Variants in SMPD3 observed in about 807,000 individuals in gnomAD.
SMPD3 encodes the protein sphingomyelin phosphodiesterase 3.
SMPD3 carries 21 observed loss-of-function variants against 55.7 expected under a neutral mutation model. The ratio of observed to expected loss-of-function variants is 0.38; its 90% CI spans 0.27 to 0.54. The LOEUF (loss-of-function observed/expected upper bound fraction) is 0.54, where lower values mean the gene tolerates loss of function less well. Ranked by LOEUF, SMPD3 falls within the 20% of genes least tolerant of loss-of-function variation. SMPD3 has a pLI of 0.80. For missense variants in SMPD3, 842 were observed against 899.6 expected, an observed-to-expected ratio of 0.94 and a Z score of 0.82; for synonymous variants, 457 against 404.3, an observed-to-expected ratio of 1.13 and a Z score of -1.56.
chr16:68,363,612 C>G lies in SMPD3; in HGVS notation c.1646-53G>C. 3.2e-6 allele frequency: 5 copies of G among 1,561,082 alleles called. No individual in the cohort carries two copies. The Admixed American group carries it at 8.5e-5, about 26-fold the overall frequency. ...TCGCTGCAGGCAGGGCCCAGGCAGC[C>G]TCTAGGGGGTGGCCTCTGTGGGTGG... On this transcript the variant is annotated intron_variant, in intron 6 of 8. Coordinates refer to ENST00000219334, the MANE Select transcript of SMPD3 (RefSeq NM_018667.4).
chr16:68,364,651 CAGGAATTCTTTG>C, intron 5 of SMPD3, 88 bp downstream of exon 5: 1 of 1,344,334 alleles, frequency 7.4e-7, no homozygotes, highest in Non-Finnish European at 1.0e-6. Context: ...TCTCGAGGAG[CAGGAATTCTTTG>C]AGCTGCCTAA....
chr16:68,443,469 T>C (rs1716523207), intron 1 of SMPD3, among the ~76,000 whole-genome samples: 1 of 152,244 alleles, frequency 6.6e-6, no homozygotes, highest in Admixed American at 6.5e-5. Flanking sequence ...GCTGTATGTG[T>C]ACTCTTTGTC....
intron 1 of SMPD3, among the ~76,000 whole-genome samples, chr16:68,408,374 T>C (rs1487495662): frequency 6.6e-6 from 1 of 152,228 alleles, no homozygotes. Context: ...CTATGAGGAA[T>C]ATTCTGCCCA....
At chr16:68,363,655 C>T in intron 6 of SMPD3, 96 bp from the exon 7 acceptor site, 2 of 1,456,186 alleles carry the variant, frequency 1.4e-6, no homozygotes, top group Non-Finnish European at 1.9e-6. Flanking sequence ...CTTCTGCTAG[C>T]CAGGGGCAGC....
chr16:68,385,072 A>G (rs1410299694), intron 2 of SMPD3, among the ~76,000 whole-genome samples: 2 of 152,182 alleles, frequency 1.3e-5, no homozygotes, highest in African/African-American at 4.8e-5. Flanking sequence ...GATATCAGAG[A>G]AGGCGTCACC....
intron 2 of SMPD3, among the ~76,000 whole-genome samples, chr16:68,373,589 C>T (rs970150388): frequency 1.3e-5 from 2 of 152,162 alleles, no homozygotes; most frequent in Non-Finnish European, 2.9e-5. Flanking sequence ...CCTGGTCACC[C>T]AAGCCAGGGA....
chr16:68,400,496 C>T (rs527243167), intron 1 of SMPD3, among the ~76,000 whole-genome samples: 84 of 152,368 alleles, frequency 5.5e-4, no homozygotes, highest in African/African-American at 1.9e-3. Context: ...TATCAAGGGA[C>T]AGAAGCTGGC....
At chr16:68,368,154 G>C (rs539471915) in intron 3 of SMPD3, 1 of 152,580 alleles carries the variant, frequency 6.6e-6, no homozygotes, top group South Asian at 2.1e-4. Flanking sequence ...GGACAGACAA[G>C]ACCCTGGGCA....
chr16:68,441,657 A>C (rs1367967495), intron 1 of SMPD3, among the ~76,000 whole-genome samples: 2 of 152,166 alleles, frequency 1.3e-5, no homozygotes, highest in African/African-American at 4.8e-5. Flanking sequence ...GCCACTAGAC[A>C]TATTTCAAGT....
intron 7 of SMPD3, among the ~76,000 whole-genome samples, chr16:68,362,142 G>C (rs2089308125): frequency 1.3e-5 from 2 of 152,206 alleles, no homozygotes; most frequent in Admixed American, 1.3e-4. Context: ...GGACCCTTGT[G>C]ACTGTTCCCA....
chr16:68,375,374 G>A (rs915261560), intron 2 of SMPD3, among the ~76,000 whole-genome samples: 3 of 152,204 alleles, frequency 2.0e-5, no homozygotes, highest in African/African-American at 7.2e-5. Context: ...AGGACACTTT[G>A]GCAGAAGGAT....
chr16:68,430,116 G>T (rs1357929548), intron 1 of SMPD3, among the ~76,000 whole-genome samples: 1 of 152,066 alleles, frequency 6.6e-6, no homozygotes, highest in Non-Finnish European at 1.5e-5. Flanking sequence ...CAGGCTTCCA[G>T]CATGAGTGTA....
intron 1 of SMPD3, among the ~76,000 whole-genome samples, chr16:68,427,886 A>G (rs1567808791): frequency 6.6e-6 from 1 of 152,148 alleles, no homozygotes; most frequent in East Asian, 1.9e-4. Flanking sequence ...GGGGGCAGGT[A>G]CAAGACAGGT....
At chr16:68,390,328 G>A (rs2090099989) in intron 1 of SMPD3, among the ~76,000 whole-genome samples, 2 of 152,210 alleles carry the variant, frequency 1.3e-5, no homozygotes, top group Non-Finnish European at 1.5e-5. Flanking sequence ...TTTGTGACCT[G>A]TATCTTGTGC....
chr16:68,365,901 G>A (rs546560276), intron 3 of SMPD3, among the ~76,000 whole-genome samples: 2 of 152,280 alleles, frequency 1.3e-5, no homozygotes, highest in East Asian at 3.9e-4. Context: ...TACCCCAGGT[G>A]GGGGCAAGAT....
rs929563915 is a variant in SMPD3 at position 68,447,770 on chromosome 16, C to T, written c.-269+583G>A. ...TCTCTTCCACATCCTCGATCCTCCT[C>T]TTTACAAAACCCTAGGGCCAAGGGA... is the stretch of plus-strand genomic sequence containing the variant. On this transcript the variant is annotated intron_variant, in intron 1 of 8. Coordinates refer to ENST00000219334, the MANE Select transcript of SMPD3 (RefSeq NM_018667.4). This position sits in a 1 kb window ranked among gnomAD's most constrained non-coding sequence, Gnocchi z 5.1. Among the ~76,000 whole-genome samples, 3 of 151,916 alleles carry T rather than the reference C, an allele frequency of 2.0e-5. No homozygotes were observed. The highest frequency in any genetic ancestry group is 4.4e-5 in the Non-Finnish European group (3 of 67,956).
chr16:68,435,154 C>T (rs1459447440), intron 1 of SMPD3, among the ~76,000 whole-genome samples: 1 of 152,140 alleles, frequency 6.6e-6, no homozygotes, highest in Admixed American at 6.5e-5. Flanking sequence ...CTGGTCCCTG[C>T]TGGCAGGGAT....
chr16:68,374,636 T>C (rs1443565986), intron 2 of SMPD3, among the ~76,000 whole-genome samples: 1 of 152,206 alleles, frequency 6.6e-6, no homozygotes, highest in Admixed American at 6.5e-5. Flanking sequence ...TCCCTCATTC[T>C]TTCTCTAAAA....
Position 68,371,337 on chromosome 16 carries a change from T to C in SMPD3, c.845A>G (p.His282Arg), listed in dbSNP as rs751796472. The C allele has an allele frequency of 8.2e-6, 13 of 1,589,936 alleles. No homozygotes were observed. Among genetic ancestry groups the C allele is most frequent in the East Asian group, 2.2e-5 (1 of 44,844 alleles). ...GGGPRGQTPN[H>R]NQQDGDSGSL... ...CCCTGAATCCCCGTCCTGCTGATTA[T>C]GGTTGGGCGTCTGGCCCCTTGGGCC... The change falls in exon 3 of 9, where the codon CAT (histidine) becomes CGT (arginine). Residue 282 changes from histidine (H) to arginine (R), a missense_variant. By Grantham distance (29) the His-to-Arg change is conservative. Around this residue, in one of 2 missense-constraint regions of SMPD3, gnomAD observed 649 missense variants for 643.6 expected, o/e 1.01. Coordinates refer to ENST00000219334, the MANE Select transcript of SMPD3 (RefSeq NM_018667.4).
Sources: allele counts gnomAD v4.1 joint callset (sites outside exome capture counted in the v4.1 genomes callset), GRCh38; gene constraint gnomAD v4.1.1; regional missense constraint gnomAD v4.1.1; non-coding constraint Gnocchi (gnomAD v3.1); transcripts MANE v1.5; gene names NCBI Gene and HGNC (gene_info 2026-07-23, HGNC 2026-07-21).